RASSF3: variants seen among roughly 807,000 people sequenced by gnomAD.
RASSF3 encodes the protein ras association domain-containing protein 3.
In RASSF3, 19 loss-of-function variants were observed where a neutral mutation model predicts 19.9. The ratio of observed to expected loss-of-function variants is 0.96; its 90% confidence interval spans 0.67 to 1.40. The LOEUF is 1.40. Among genes scored for constraint, RASSF3 ranks in the 40% most tolerant of loss-of-function variants. RASSF3 has a pLI of 0.00. For missense variants in RASSF3, 306 were observed against 289.8 expected (o/e 1.06, Z -0.41); for synonymous variants, 110 against 104.2 (o/e 1.06, Z -0.34).
At chr12:64,541,267 T>C (rs1463808774) in intron 1 of RASSF3, among the ~76,000 whole-genome samples, 1 of 150,186 alleles carries the variant, frequency 6.7e-6, no homozygotes, top group Non-Finnish European at 1.5e-5. Context: ...ATTACAGGCA[T>C]GAGCCACAGC....
intron 2 of RASSF3, among the ~76,000 whole-genome samples, chr12:64,571,809 G>C (rs955840502): frequency 1.3e-5 from 2 of 152,082 alleles, no homozygotes; most frequent in African/African-American, 4.8e-5. Context: ...CTCTTCCCAG[G>C]TTCCCAAGTG....
At chr12:64,690,502 G>A (rs183238694) in intron 3 of RASSF3, among the ~76,000 whole-genome samples, 88 of 152,016 alleles carry the variant, frequency 5.8e-4, no homozygotes, top group African/African-American at 1.9e-3. Flanking sequence ...TTGAGACAGC[G>A]TCTTACTCTG....
At chr12:64,684,322 G>A (rs181946556) in intron 1 of RASSF3, among the ~76,000 whole-genome samples, 47 of 151,806 alleles carry the variant, frequency 3.1e-4, no homozygotes, top group African/African-American at 1.1e-3. Flanking sequence ...CAGGGCTTAA[G>A]CTCTGCCGTC....
chr12:64,671,620 A>G (rs1455466350), intron 1 of RASSF3, among the ~76,000 whole-genome samples: 1 of 152,228 alleles, frequency 6.6e-6, no homozygotes, highest in Admixed American at 6.5e-5. Context: ...CTGACTTATC[A>G]TTTAATAACT....
intron 1 of RASSF3, among the ~76,000 whole-genome samples, chr12:64,507,800 A>G (rs909677235): frequency 6.6e-6 from 1 of 152,138 alleles, no homozygotes; most frequent in Non-Finnish European, 1.5e-5. Flanking sequence ...TTTATGCATC[A>G]TATTTTAGGT....
chr12:64,684,431 G>GTTTTTT (rs146721078), intron 1 of RASSF3, among the ~76,000 whole-genome samples: 42 of 121,452 alleles, frequency 3.5e-4, no homozygotes, highest in Non-Finnish European at 4.2e-4. Flanking sequence ...TTGTTTGTTT[G>GTTTTTT]TTTGTTTTTT....
At chr12:64,526,650 T>A (rs1868593243) in intron 1 of RASSF3, among the ~76,000 whole-genome samples, 1 of 152,082 alleles carries the variant, frequency 6.6e-6, no homozygotes, top group Non-Finnish European at 1.5e-5. Context: ...CTCAAGCAAT[T>A]CTCCCACCTC....
chr12:64,670,719 C>T (rs1872675546), intron 1 of RASSF3, among the ~76,000 whole-genome samples: 1 of 152,150 alleles, frequency 6.6e-6, no homozygotes, highest in Non-Finnish European at 1.5e-5. Context: ...TTACTAATTC[C>T]CTACTAAGTT....
At chr12:64,573,292 C>T (rs1869548433) in intron 2 of RASSF3, among the ~76,000 whole-genome samples, 1 of 152,152 alleles carries the variant, frequency 6.6e-6, no homozygotes, top group Admixed American at 6.5e-5. Flanking sequence ...GCCTGGGTGA[C>T]AGAGTGAGAA....
intron 2 of RASSF3, among the ~76,000 whole-genome samples, chr12:64,577,654 C>G (rs1036714261): frequency 6.6e-6 from 1 of 152,134 alleles, no homozygotes; most frequent in African/African-American, 2.4e-5. Context: ...ATCTCTTGAA[C>G]CCAGGAGGCA....
chr12:64,617,621 G>A (rs1390534151), intron 1 of RASSF3, among the ~76,000 whole-genome samples: 2 of 152,120 alleles, frequency 1.3e-5, no homozygotes, highest in African/African-American at 4.8e-5. Flanking sequence ...ACAATGATGC[G>A]ATCTCCACTC....
intron 2 of RASSF3, among the ~76,000 whole-genome samples, chr12:64,571,159 C>T (rs1003024100): frequency 1.3e-5 from 2 of 151,610 alleles, no homozygotes; most frequent in African/African-American, 2.4e-5. Context: ...TACAGAGAGC[C>T]GAGATCGCGC....
chr12:64,610,167 G>A (rs1380670068), upstream of RASSF3, among the ~76,000 whole-genome samples: 1 of 152,206 alleles, frequency 6.6e-6, no homozygotes, highest in African/African-American at 2.4e-5. Flanking sequence ...TCGAGCCAGC[G>A]AGGCTGGGGG....
intron 2 of RASSF3, among the ~76,000 whole-genome samples, chr12:64,553,281 A>G (rs945304109): frequency 6.6e-6 from 1 of 152,208 alleles, no homozygotes; most frequent in African/African-American, 2.4e-5. Context: ...CACTAGGTTC[A>G]GTTTAAATAG....
At chr12:64,597,491 C>T (rs1196904054) in intron 2 of RASSF3, among the ~76,000 whole-genome samples, 4 of 151,844 alleles carry the variant, frequency 2.6e-5, no homozygotes, top group Non-Finnish European at 4.4e-5. Flanking sequence ...GAGTCTCGCT[C>T]TATTGCCCAG....
chr12:64,664,877 CTAT>C (rs1367359082), intron 1 of RASSF3, among the ~76,000 whole-genome samples: 1 of 152,116 alleles, frequency 6.6e-6, no homozygotes, highest in Non-Finnish European at 1.5e-5. Context: ...AATATGGATC[CTAT>C]TATTGGTATT....
At chr12:64,584,284 TAAC>T (rs1869753718) in intron 2 of RASSF3, among the ~76,000 whole-genome samples, 2 of 152,290 alleles carry the variant, frequency 1.3e-5, no homozygotes, top group Non-Finnish European at 2.9e-5. Context: ...ACCTAACATC[TAAC>T]AAACCTTGAA....
chr12:64,687,328 A>G (rs566202022), intron 2 of RASSF3, among the ~76,000 whole-genome samples: 1 of 152,204 alleles, frequency 6.6e-6, no homozygotes, highest in South Asian at 2.1e-4. Flanking sequence ...CAAAAATAAA[A>G]ATAAAAAGTG....
At position 64,513,331 on chromosome 12, in the gene RASSF3, TC is replaced by T. The variant is rs528991032; in HGVS notation, c.169+6005del. Among the ~76,000 whole-genome samples, 14 of 151,668 alleles carry T rather than the reference TC, an allele frequency of 9.2e-5. No homozygotes were observed. The East Asian group carries it at 2.5e-3, about 28-fold the overall frequency. The stretch of plus-strand genomic sequence containing the variant: ...CAGTCATGGTGGTGGGCACCTGTAA[TC>T]CCAGCTACTCAGGAGGCTGACGCAG... On this transcript the variant is annotated intron_variant, in intron 1 of 5. Coordinates refer to the RASSF3 transcript ENST00000637125.
Sources: gnomAD v4.1 joint callset for allele counts (sites outside exome capture counted in the v4.1 genomes callset) on GRCh38, gnomAD v4.1.1 for gene constraint, MANE v1.5 for transcripts, NCBI Gene and HGNC (gene_info 2026-07-23, HGNC 2026-07-21) for gene names.